The following UBTD2 variants were observed in gnomAD, a reference collection of about 807,000 sequenced individuals.
The protein encoded by UBTD2 is ubiquitin domain containing 2, also known as ubiquitin domain-containing protein 2.
In UBTD2, 9 loss-of-function variants were observed where a neutral mutation model predicts 19.8. The observed-to-expected ratio is 0.46, with a 90% CI of 0.27 to 0.79. UBTD2 has a LOEUF of 0.79. UBTD2 is among the 30% of genes least tolerant of loss of function. UBTD2 has a pLI of 0.14. For synonymous variants in UBTD2, 98 were observed against 103.9 expected, an observed-to-expected ratio of 0.94 and a Z score of 0.35; for missense variants, 250 against 300.4, an observed-to-expected ratio of 0.83 and a Z score of 1.24.
chr5:172,230,407 T>C (rs935645373), intron 2 of UBTD2, among the ~76,000 whole-genome samples: 1 of 152,244 alleles, frequency 6.6e-6, no homozygotes, highest in Non-Finnish European at 1.5e-5. Context: ...AATTTACTTG[T>C]TAATTTCAGA....
chr5:172,227,992 T>C lies in UBTD2; in HGVS notation c.307+6130A>G, dbSNP rs543714882. On this transcript the variant is annotated intron_variant, in intron 2 of 2. Coordinates refer to ENST00000393792, the MANE Select transcript of UBTD2 (RefSeq NM_152277.3). ...CTGTGCCCGGCCTGAAAAATTCTTA[T>C]AGGAACCTTTAAAGTCCACACCAAA... is the stretch of plus-strand genomic sequence containing the variant. Among the ~76,000 whole-genome samples the C allele has an allele frequency of 2.6e-5, 4 of 152,294 alleles. No individual in the cohort carries two copies. The South Asian group carries it at 8.3e-4, about 32-fold the overall frequency.
intron 1 of UBTD2, among the ~76,000 whole-genome samples, chr5:172,263,212 C>T (rs929294304): frequency 1.1e-4 from 17 of 152,024 alleles, no homozygotes; most frequent in Admixed American, 9.8e-4. Flanking sequence ...ATTACAGGTG[C>T]GAGCCACAGT....
intron 2 of UBTD2, among the ~76,000 whole-genome samples, chr5:172,217,437 G>GA (rs79953511): frequency 7.1e-6 from 1 of 141,842 alleles, no homozygotes; most frequent in African/African-American, 2.6e-5. Flanking sequence ...AAAAAAAAAA[G>GA]AAAGAAAGAA....
At position 172,283,490 on chromosome 5, in the gene UBTD2, G is replaced by A; in HGVS notation, c.70+106C>T. 1 of 903,322 alleles carries A rather than the reference G, an allele frequency of 1.1e-6. No individual in the cohort carries two copies. Among genetic ancestry groups the A allele is most frequent in the South Asian group, 5.0e-5 (1 of 19,954 alleles). 56.0% of individuals were successfully genotyped at this position (903,322 alleles called of 1,614,324 possible). A position where few individuals can be genotyped will look rare whatever the true frequency, so the allele number is the denominator to read the frequency against. ...CGGGGAATGACGTGGAAGAGGGGAT[G>A]ACAAAGGGGCGCGGGGGCCCGGCGC... On this transcript the variant is annotated intron_variant, in intron 1 of 2. Coordinates refer to ENST00000393792, the MANE Select transcript of UBTD2 (RefSeq NM_152277.3). This position sits in a 1 kb window ranked among gnomAD's most constrained non-coding sequence, Gnocchi z 4.3.
chr5:172,219,420 C>T (rs958843587), intron 2 of UBTD2, among the ~76,000 whole-genome samples: 1 of 152,190 alleles, frequency 6.6e-6, no homozygotes, highest in Non-Finnish European at 1.5e-5. Flanking sequence ...AAATCTCTTG[C>T]CATCCTGCTC....
At chr5:172,262,446 C>CAAAAAAA in intron 1 of UBTD2, among the ~76,000 whole-genome samples, 1 of 48,888 alleles carries the variant, frequency 2.0e-5, no homozygotes, top group Admixed American at 2.2e-4. Context: ...ACAGATCCAC[C>CAAAAAAA]AAAAAAAAAA....
At chr5:172,252,222 CA>C (rs1479221375) in intron 1 of UBTD2, 2 of 152,180 alleles carry the variant, frequency 1.3e-5, no homozygotes, top group African/African-American at 4.8e-5. Context: ...CCTACCCTCC[CA>C]AAGTGAAACT....
At chr5:172,223,724 T>C (rs1771701654) in intron 2 of UBTD2, among the ~76,000 whole-genome samples, 2 of 151,718 alleles carry the variant, frequency 1.3e-5, no homozygotes, top group Non-Finnish European at 2.9e-5. Context: ...ATACCCATTT[T>C]ACAGATGGAA....
intron 1 of UBTD2, chr5:172,254,573 G>C (rs745702330): frequency 1.6e-6 from 1 of 641,504 alleles, no homozygotes; most frequent in Non-Finnish European, 2.8e-6. Flanking sequence ...GTCGTCTTCT[G>C]TGTGCTTTCA....
At chr5:172,280,101 T>C (rs1755679640) in intron 1 of UBTD2, among the ~76,000 whole-genome samples, 1 of 146,044 alleles carries the variant, frequency 6.8e-6, no homozygotes, top group African/African-American at 2.5e-5. Context: ...AAACGACGTC[T>C]CAAAAAAAAA....
At chr5:172,244,765 G>A (rs1358174625) in intron 1 of UBTD2, among the ~76,000 whole-genome samples, 1 of 152,008 alleles carries the variant, frequency 6.6e-6, no homozygotes, top group Non-Finnish European at 1.5e-5. Flanking sequence ...TCTTGCTCTA[G>A]TCCCTCAGGA....
intron 2 of UBTD2, among the ~76,000 whole-genome samples, chr5:172,220,641 A>C (rs1771632847): frequency 7.3e-6 from 1 of 137,254 alleles, no homozygotes; most frequent in Non-Finnish European, 1.5e-5. Context: ...CAAAAAAACC[A>C]AAAAAAAACC....
chr5:172,256,151 T>C (rs1463008426), intron 1 of UBTD2, among the ~76,000 whole-genome samples: 1 of 151,974 alleles, frequency 6.6e-6, no homozygotes, highest in Non-Finnish European at 1.5e-5. Context: ...ATACTGATAA[T>C]CCGTCCTATA....
chr5:172,244,281 C>A, intron 1 of UBTD2, among the ~76,000 whole-genome samples: 1 of 147,086 alleles, frequency 6.8e-6, no homozygotes, highest in South Asian at 2.2e-4. Flanking sequence ...AAGACTGTTT[C>A]CCCTTTCCTC....
At chr5:172,250,074 T>A (rs1023572773) in intron 1 of UBTD2, among the ~76,000 whole-genome samples, 2 of 151,874 alleles carry the variant, frequency 1.3e-5, no homozygotes, top group African/African-American at 4.8e-5. Flanking sequence ...AATACAAACA[T>A]TAGCTGGGCG....
chr5:172,240,484 T>C (rs554279110), intron 1 of UBTD2, among the ~76,000 whole-genome samples: 23 of 151,824 alleles, frequency 1.5e-4, no homozygotes, highest in Admixed American at 1.2e-3. Context: ...GGTAGCTTTA[T>C]TGGGGGGAAA....
At chr5:172,242,515 C>T in intron 1 of UBTD2, 1 of 751,268 alleles carries the variant, frequency 1.3e-6, no homozygotes, top group Non-Finnish European at 1.6e-6. Flanking sequence ...TGTTCCTTTA[C>T]CCTTTGTATT....
intron 2 of UBTD2, among the ~76,000 whole-genome samples, chr5:172,231,133 C>T (rs994491239): frequency 2.0e-5 from 3 of 152,106 alleles, no homozygotes; most frequent in East Asian, 1.9e-4. Flanking sequence ...GAAAGAATTT[C>T]GGCAATACCA....
At chr5:172,232,261 A>G (rs1299865866) in intron 2 of UBTD2, among the ~76,000 whole-genome samples, 1 of 151,846 alleles carries the variant, frequency 6.6e-6, no homozygotes, top group Non-Finnish European at 1.5e-5. Context: ...CAACAGAGTG[A>G]GACCCTGTCT....
Sources: gnomAD v4.1 joint callset for allele counts (sites outside exome capture counted in the v4.1 genomes callset) on GRCh38, gnomAD v4.1.1 for gene constraint, Gnocchi (gnomAD v3.1) non-coding constraint, MANE v1.5 for transcripts, NCBI Gene and HGNC (gene_info 2026-07-23, HGNC 2026-07-21) for gene names.